TBC1D19: variants seen among roughly 807,000 people sequenced by gnomAD.
The protein encoded by TBC1D19 is TBC1 domain family member 19, also known as TBC1 domain family, member 19.
Under a neutral mutation model 89.0 loss-of-function variants are expected in TBC1D19, and 60 were observed. That is an observed-to-expected ratio of 0.67 (90% CI 0.55 to 0.84). The LOEUF is 0.84. Ranked by LOEUF, TBC1D19 falls within the 40% of genes least tolerant of loss-of-function variation. The pLI, the probability that TBC1D19 is intolerant of heterozygous loss-of-function variation, is 0.00. For synonymous variants in TBC1D19, 189 were observed against 199.7 expected, an observed-to-expected ratio of 0.95 and a Z score of 0.45; for missense variants, 500 against 610.8, an observed-to-expected ratio of 0.82 and a Z score of 1.91.
intron 1 of TBC1D19, among the ~76,000 whole-genome samples, chr4:26,607,298 A>AC (rs1741075561): frequency 6.6e-6 from 1 of 152,044 alleles, no homozygotes; most frequent in African/African-American, 2.4e-5. Context: ...AGCCCCCCTC[A>AC]CCCACCTCCC....
chr4:26,696,414 C>A (rs1268899696), intron 13 of TBC1D19, among the ~76,000 whole-genome samples: 1 of 152,160 alleles, frequency 6.6e-6, no homozygotes, highest in Non-Finnish European at 1.5e-5. Flanking sequence ...TAATGGGAGA[C>A]TTTAACACCC....
intron 11 of TBC1D19, among the ~76,000 whole-genome samples, chr4:26,677,382 G>C (rs377607469): frequency 6.6e-6 from 1 of 150,378 alleles, no homozygotes; most frequent in Non-Finnish European, 1.5e-5. Context: ...GCAGTGGTGC[G>C]ATCTTGGCTT....
chr4:26,729,527 A>C lies in TBC1D19; in HGVS notation c.1085-5928A>C, dbSNP rs190165188. Among the ~76,000 whole-genome samples the C allele has an allele frequency of 2.0e-5, 3 of 152,348 alleles. No homozygotes were observed. In the East Asian group the frequency reaches 5.8e-4, roughly 29 times the overall value. ...GAATGAGCATTTAATTATGATTAAG[A>C]GATCAGGAAATGTTTGTCTGAGGTT... On this transcript the variant is annotated intron_variant, in intron 15 of 20. Transcript: ENST00000264866.
chr4:26,590,796 GT>G (rs869124166), intron 1 of TBC1D19, among the ~76,000 whole-genome samples: 24,184 of 53,160 alleles, frequency 0.45, 4,192 homozygotes, highest in Middle Eastern at 0.56. Flanking sequence ...TTGCAGGTCT[GT>G]TTTTTTTTTT....
chr4:26,647,693 A>AC (rs1209407483), intron 7 of TBC1D19, among the ~76,000 whole-genome samples: 23 of 151,556 alleles, frequency 1.5e-4, no homozygotes, highest in Middle Eastern at 6.8e-3. Context: ...GATTGGTCTT[A>AC]CTCCAGCTAC....
chr4:26,684,019 T>G (rs1276090928), intron 12 of TBC1D19, among the ~76,000 whole-genome samples: 1 of 152,214 alleles, frequency 6.6e-6, no homozygotes, highest in Non-Finnish European at 1.5e-5. Context: ...TATCTCTAAA[T>G]TCAAGCTTTC....
At chr4:26,731,426 G>A (rs2109296313) in intron 15 of TBC1D19, among the ~76,000 whole-genome samples, 1 of 152,144 alleles carries the variant, frequency 6.6e-6, no homozygotes, top group African/African-American at 2.4e-5. Context: ...AGAGACAGGA[G>A]AGGTACATAA....
At chr4:26,780,513 C>T in the TBC1D19 span, among the ~76,000 whole-genome samples, 447 of 152,306 alleles carry the variant, frequency 2.9e-3, 7 homozygotes, top group African/African-American at 0.01. Context: ...AATTAATCCT[C>T]ATTGCTTCCC....
chr4:26,826,965 C>G, the TBC1D19 span, among the ~76,000 whole-genome samples: 1 of 152,180 alleles, frequency 6.6e-6, no homozygotes, highest in Non-Finnish European at 1.5e-5. Flanking sequence ...AAGTCTCTCC[C>G]CTAAACTGGT....
At chr4:26,602,691 T>C (rs1740714012) in intron 1 of TBC1D19, among the ~76,000 whole-genome samples, 1 of 151,902 alleles carries the variant, frequency 6.6e-6, no homozygotes, top group Non-Finnish European at 1.5e-5. Flanking sequence ...CCACCCTCCT[T>C]GGCCTCCCAA....
chr4:26,841,924 T>C, the TBC1D19 span, among the ~76,000 whole-genome samples: 1 of 152,174 alleles, frequency 6.6e-6, no homozygotes, highest in Non-Finnish European at 1.5e-5. Flanking sequence ...ACAGTAAAAT[T>C]CATGCCAGTA....
chr4:26,740,392 G>A (rs1489283475), intron 17 of TBC1D19, among the ~76,000 whole-genome samples: 1 of 152,100 alleles, frequency 6.6e-6, no homozygotes, highest in Admixed American at 6.5e-5. Flanking sequence ...TAAATAAATG[G>A]CCGTTGTTGT....
At chr4:26,748,284 C>T (rs1718761579) in intron 18 of TBC1D19, 127 bp from the exon 19 acceptor site, 1 of 650,582 alleles carries the variant, frequency 1.5e-6, no homozygotes, top group South Asian at 1.9e-5. Context: ...CAAGAAAGTA[C>T]TTAAGTTTTA....
intron 8 of TBC1D19, among the ~76,000 whole-genome samples, chr4:26,665,803 T>G (rs1711758015): frequency 6.6e-6 from 1 of 151,996 alleles, no homozygotes; most frequent in Admixed American, 6.6e-5. Context: ...CAGGAAAGGT[T>G]TAAAGTTAGT....
intron 1 of TBC1D19, among the ~76,000 whole-genome samples, chr4:26,610,576 G>A (rs1741309444): frequency 6.6e-6 from 1 of 151,838 alleles, no homozygotes; most frequent in Admixed American, 6.6e-5. Context: ...ATACCCAATA[G>A]GTAGTTCCAT....
chr4:26,711,465 G>C (rs1716184394), intron 13 of TBC1D19, among the ~76,000 whole-genome samples: 1 of 151,860 alleles, frequency 6.6e-6, no homozygotes, highest in Non-Finnish European at 1.5e-5. Context: ...TTTCTTATGT[G>C]CTTTTTATTA....
At chr4:26,695,210 G>A (rs1476640667) in intron 13 of TBC1D19, among the ~76,000 whole-genome samples, 1 of 152,176 alleles carries the variant, frequency 6.6e-6, no homozygotes, top group African/African-American at 2.4e-5. Flanking sequence ...CGTGACAAAT[G>A]CACAAGCTTC....
chr4:26,579,621 G>A (rs1025469032), upstream of TBC1D19, among the ~76,000 whole-genome samples: 3 of 151,392 alleles, frequency 2.0e-5, no homozygotes, highest in African/African-American at 4.9e-5. Flanking sequence ...TTTAAGCCCC[G>A]CATGCATTAG....
At chr4:26,677,232 A>G (rs1577918895) in intron 11 of TBC1D19, among the ~76,000 whole-genome samples, 1 of 151,872 alleles carries the variant, frequency 6.6e-6, no homozygotes, top group African/African-American at 2.4e-5. Context: ...TACCACTCTC[A>G]TTTCAAAATA....
Sources: gnomAD v4.1 joint callset for allele counts (sites outside exome capture counted in the v4.1 genomes callset) on GRCh38, gnomAD v4.1.1 for gene constraint, MANE v1.5 for transcripts, NCBI Gene and HGNC (gene_info 2026-07-23, HGNC 2026-07-21) for gene names.